Variants in CCNF observed in about 807,000 individuals in gnomAD.
CCNF encodes cyclin F.
Under a neutral mutation model 85.4 loss-of-function variants are expected in CCNF, and 30 were observed. The observed-to-expected ratio is 0.35, with a 90% CI of 0.26 to 0.48. The LOEUF is 0.48. Ranked by LOEUF, CCNF falls within the 20% of genes least tolerant of loss-of-function variation. The pLI is 0.99. For synonymous variants in CCNF, 439 were observed against 425.1 expected (o/e 1.03, Z -0.40); for missense variants, 919 against 1,010.4 (o/e 0.91, Z 1.23).
At chr16:2,429,660 C>T (rs1188469987) in intron 1 of CCNF, among the ~76,000 whole-genome samples, 163 bp downstream of exon 1, 2 of 152,096 alleles carry the variant, frequency 1.3e-5, no homozygotes, top group East Asian at 3.9e-4. Flanking sequence ...CAGGGAGCCC[C>T]GGCGGCCGGG....
rs376455710 is a variant in CCNF at position 2,451,028 on chromosome 16, C to T, written c.1487+1113C>T. ...TTCCCTCCACCTGCCCCGGCCCCTC[C>T]GCCCTTCTCTCTGGTGAGCCTGGCC... On this transcript the variant is annotated intron_variant, in intron 13 of 16. Coordinates refer to ENST00000397066, the MANE Select transcript of CCNF (RefSeq NM_001761.3). The surrounding 1 kb of genome is among the most constrained non-coding windows in gnomAD (Gnocchi z 4.3). Among the ~76,000 whole-genome samples the T allele has an allele frequency of 1.5e-4, 23 of 152,368 alleles. No individual in the cohort carries two copies. The highest frequency in any genetic ancestry group is 8.3e-4 in the South Asian group (4 of 4,826).
At chr16:2,444,668 C>G (rs1337117066) in intron 9 of CCNF, among the ~76,000 whole-genome samples, 1 of 151,944 alleles carries the variant, frequency 6.6e-6, no homozygotes, top group Non-Finnish European at 1.5e-5. Flanking sequence ...ATGATTTCAG[C>G]TCACTGCAGC....
intron 8 of CCNF, 149 bp downstream of exon 8, chr16:2,439,975 A>G (rs1022487932): frequency 4.4e-6 from 3 of 682,680 alleles, no homozygotes; most frequent in Non-Finnish European, 7.8e-6. Context: ...AGATCGGTTC[A>G]GCACTGGAAC....
chr16:2,434,182 T>C (rs2065276256), intron 3 of CCNF, among the ~76,000 whole-genome samples: 1 of 152,094 alleles, frequency 6.6e-6, no homozygotes. Context: ...GATGGGCACT[T>C]GTAGTCCCAG....
chr16:2,445,672 G>A (rs1249642510), intron 10 of CCNF, 50 bp downstream of exon 10: 2 of 1,562,686 alleles, frequency 1.3e-6, no homozygotes, highest in Non-Finnish European at 1.7e-6. Flanking sequence ...GCCTTTCCCG[G>A]GTTCAGGGTC....
chr16:2,437,633 C>A, intron 5 of CCNF: 1 of 349,074 alleles, frequency 2.9e-6, no homozygotes, highest in South Asian at 4.9e-5. Flanking sequence ...TCACGCCTGT[C>A]ATCCTAGCAC....
intron 8 of CCNF, among the ~76,000 whole-genome samples, chr16:2,443,384 G>A (rs542589741): frequency 6.6e-6 from 1 of 151,772 alleles, no homozygotes; most frequent in South Asian, 2.1e-4. Context: ...CCAGGCATTA[G>A]CCATGTAAGA....
Position 2,451,309 on chromosome 16 carries a change from G to A in CCNF, c.1487+1394G>A, listed in dbSNP as rs1884906943. 6.6e-6 allele frequency among the ~76,000 whole-genome samples: 1 copy of A among 152,208 alleles called. No individual in the cohort carries two copies. The highest frequency in any genetic ancestry group is 1.5e-5 in the Non-Finnish European group (1 of 68,024). Reference sequence around the variant, plus strand: ...TGGGCATCTGAGTCCAGGGCAAAGGGGGCAGCCATGCCAGGGCCCAGTGCA... The same window carrying A: ...TGGGCATCTGAGTCCAGGGCAAAGGAGGCAGCCATGCCAGGGCCCAGTGCA... On this transcript the variant is annotated intron_variant, in intron 13 of 16. Transcript: ENST00000397066. The surrounding 1 kb of genome is among the most constrained non-coding windows in gnomAD (Gnocchi z 4.3).
intron 9 of CCNF, among the ~76,000 whole-genome samples, chr16:2,445,127 G>T (rs747158415): frequency 3.0e-4 from 45 of 152,154 alleles, no homozygotes; most frequent in Non-Finnish European, 1.9e-4. Context: ...CCCGCTCCCT[G>T]CACGCCCCGA....
intron 2 of CCNF, among the ~76,000 whole-genome samples, chr16:2,432,182 T>A (rs1430914239): frequency 6.6e-6 from 1 of 152,184 alleles, no homozygotes; most frequent in East Asian, 1.9e-4. Flanking sequence ...AATAGGATAG[T>A]GTTTAAAAGA....
intron 2 of CCNF, 94 bp from the exon 3 acceptor site, chr16:2,432,867 A>G: frequency 1.5e-6 from 1 of 647,120 alleles, no homozygotes; most frequent in Non-Finnish European, 2.8e-6. Flanking sequence ...GAGACAGGAG[A>G]CCCTACATCT....
intron 6 of CCNF, among the ~76,000 whole-genome samples, chr16:2,438,642 G>GA (rs932243743): frequency 2.3e-3 from 263 of 114,108 alleles, no homozygotes; most frequent in Middle Eastern, 0.017. Context: ...CTCAGTCTCA[G>GA]AAAAAAAAAA....
rs903030356 is a variant in CCNF, at chr16:2,451,968, G to C, written c.1488-1242G>C. On this transcript the variant is annotated intron_variant, in intron 13 of 16. Transcript: ENST00000397066. This position sits in a 1 kb window ranked among gnomAD's most constrained non-coding sequence, Gnocchi z 4.3. The stretch of plus-strand genomic sequence containing the variant: ...AGCCAACGGCCTGTTGCCTGTTCTG[G>C]CCCTGGTGGGTCGTGGTGCATGAAG... Among the ~76,000 whole-genome samples, 3 of 152,226 alleles carry C rather than the reference G, an allele frequency of 2.0e-5. No homozygotes were observed. The highest frequency in any genetic ancestry group is 7.2e-5 in the African/African-American group (3 of 41,468).
chr16:2,433,179 T>C lies in CCNF; in HGVS notation c.278+112T>C, dbSNP rs9934102. ...ACGATTTTCCTGTTGCTGTCTCCCATGACATTGCCTCATACCCTGGGGAGT... is the reference window on the plus strand; with the variant it reads ...ACGATTTTCCTGTTGCTGTCTCCCACGACATTGCCTCATACCCTGGGGAGT... On this transcript the variant is annotated intron_variant, in intron 3 of 16. Transcript: ENST00000397066. 3,519 of 674,422 alleles carry C rather than the reference T, an allele frequency of 5.2e-3. 114 individuals are homozygous for C. The African/African-American group carries it at 0.056, about 11-fold the overall frequency. 41.8% of individuals were successfully genotyped at this position (674,422 alleles called of 1,614,324 possible). A position where few individuals can be genotyped will look rare whatever the true frequency, so the allele number is the denominator to read the frequency against.
At position 2,443,084 on chromosome 16, in the gene CCNF, ATATATAATAGATATTTT is replaced by A. The variant is rs1347287050; in HGVS notation, c.778-558_778-542del. ...CTATAATATATATTATAGATATATTATATATAATAGATATTTTTATATATAATATATTACATATTATA... is the reference window on the plus strand; with the variant it reads ...CTATAATATATATTATAGATATATTATATATATAATATATTACATATTATA... On this transcript the variant is annotated intron_variant, in intron 8 of 16. Coordinates refer to ENST00000397066, the MANE Select transcript of CCNF (RefSeq NM_001761.3). Among the ~76,000 whole-genome samples the A allele has an allele frequency of 4.6e-3, 211 of 45,576 alleles. 1 individual carries two copies. The highest frequency in any genetic ancestry group is 7.8e-3 in the South Asian group (14 of 1,798). The allele number at this position is 45,576 out of a possible 152,430, so 29.9% of individuals were successfully genotyped here.
chr16:2,442,456 A>T (rs546365214), intron 8 of CCNF, among the ~76,000 whole-genome samples: 5 of 4,844 alleles, frequency 1.0e-3, no homozygotes, highest in Non-Finnish European at 1.3e-3. Flanking sequence ...AATATTATAT[A>T]ATATAATATT....
At chr16:2,441,996 TTTTG>T (rs1397565472) in intron 8 of CCNF, among the ~76,000 whole-genome samples, 10 of 132,238 alleles carry the variant, frequency 7.6e-5, no homozygotes, top group Admixed American at 2.4e-4. Flanking sequence ...TTTGTTTTTG[TTTTG>T]TTTTGTTTTG....
intron 10 of CCNF, among the ~76,000 whole-genome samples, chr16:2,448,296 T>C (rs1567388614): frequency 2.0e-5 from 3 of 152,252 alleles, no homozygotes; most frequent in Non-Finnish European, 4.4e-5. Context: ...CTCAGGGCAC[T>C]TGGGCCTTTT....
chr16:2,444,715 C>T (rs1391031138), intron 9 of CCNF, among the ~76,000 whole-genome samples: 2 of 151,828 alleles, frequency 1.3e-5, no homozygotes, highest in Non-Finnish European at 2.9e-5. Flanking sequence ...TCCCACCTTA[C>T]CCTCCTGAGT....
Sources: allele counts gnomAD v4.1 joint callset (sites outside exome capture counted in the v4.1 genomes callset), GRCh38; gene constraint gnomAD v4.1.1; non-coding constraint Gnocchi (gnomAD v3.1); transcripts MANE v1.5; gene names NCBI Gene and HGNC (gene_info 2026-07-23, HGNC 2026-07-21).